The following CDH10 variants were observed in gnomAD, a reference collection of about 807,000 sequenced individuals.
CDH10 encodes cadherin 10, also known as cadherin-10.
In CDH10, 30 loss-of-function variants were observed where a neutral mutation model predicts 73.1. That is an observed-to-expected ratio of 0.41 (90% CI 0.31 to 0.56). CDH10 has a LOEUF of 0.56. Ranked by LOEUF, CDH10 falls within the 20% of genes least tolerant of loss-of-function variation. CDH10 has a pLI of 0.27. For missense variants in CDH10, 815 were observed against 973.7 expected (o/e 0.84, Z 2.17); for synonymous variants, 345 against 348.2 (o/e 0.99, Z 0.10).
intron 2 of CDH10, among the ~76,000 whole-genome samples, chr5:24,587,065 C>T (rs921252626): frequency 1.3e-5 from 2 of 151,334 alleles, no homozygotes; most frequent in African/African-American, 4.9e-5. Context: ...AGAATGGTCT[C>T]GATCTCCTGA....
At chr5:24,590,437 A>G (rs896884425) in intron 2 of CDH10, among the ~76,000 whole-genome samples, 2 of 151,832 alleles carry the variant, frequency 1.3e-5, no homozygotes, top group African/African-American at 4.8e-5. Flanking sequence ...CACTATAATC[A>G]TGACCTTTGA....
chr5:24,617,962 T>A lies in CDH10; in HGVS notation c.-123-24349A>T, dbSNP rs150771158. ...TCTGTTCCCCACCCTCTATTTTACA[T>A]ATCAGTGTCAAAAATGTTATGTGAT... On this transcript the variant is annotated intron_variant, in intron 1 of 11. Transcript: ENST00000264463. Among the ~76,000 whole-genome samples the A allele has an allele frequency of 4.6e-3, 698 of 152,300 alleles. 3 individuals are homozygous for A. Among genetic ancestry groups the A allele is most frequent in the South Asian group, 9.3e-3 (45 of 4,834 alleles).
At chr5:24,623,132 G>C (rs1747374148) in intron 1 of CDH10, among the ~76,000 whole-genome samples, 2 of 152,242 alleles carry the variant, frequency 1.3e-5, no homozygotes, top group South Asian at 4.1e-4. Context: ...ATATGACTGG[G>C]AACTAGAGCT....
At chr5:24,493,556 C>T (rs1742144750) in intron 9 of CDH10, among the ~76,000 whole-genome samples, 1 of 151,660 alleles carries the variant, frequency 6.6e-6, no homozygotes, top group Non-Finnish European at 1.5e-5. Flanking sequence ...GACAATTTAG[C>T]CCCTAATATA....
intron 1 of CDH10, among the ~76,000 whole-genome samples, chr5:24,605,344 C>T (rs894654814): frequency 2.0e-5 from 3 of 152,172 alleles, no homozygotes; most frequent in African/African-American, 7.2e-5. Context: ...CTGTCAGATC[C>T]AATCAGCAGT....
At chr5:24,604,473 G>A (rs1038106436) in intron 1 of CDH10, among the ~76,000 whole-genome samples, 3 of 152,172 alleles carry the variant, frequency 2.0e-5, no homozygotes, top group African/African-American at 7.2e-5. Flanking sequence ...ATTTCTTTGA[G>A]ATGATACCTA....
At chr5:24,613,887 C>A (rs1035918161) in intron 1 of CDH10, among the ~76,000 whole-genome samples, 13 of 151,930 alleles carry the variant, frequency 8.6e-5, no homozygotes, top group African/African-American at 3.1e-4. Context: ...TGTATTTATT[C>A]AATAAATAAA....
chr5:24,583,054 AG>A (rs61440617), intron 2 of CDH10, among the ~76,000 whole-genome samples: 25,667 of 152,008 alleles, frequency 0.17, 2,298 homozygotes, highest in East Asian at 0.22. Flanking sequence ...TTGCTATATT[AG>A]TAATTTTTTT....
chr5:24,625,479 CAA>C (rs1170272711), intron 1 of CDH10, among the ~76,000 whole-genome samples: 1 of 150,722 alleles, frequency 6.6e-6, no homozygotes, highest in Non-Finnish European at 1.5e-5. Flanking sequence ...ACATTTTTCT[CAA>C]GTGTGTGTAT....
At chr5:24,588,224 A>G (rs745809855) in intron 2 of CDH10, among the ~76,000 whole-genome samples, 12 of 152,180 alleles carry the variant, frequency 7.9e-5, no homozygotes, top group Non-Finnish European at 1.6e-4. Flanking sequence ...AAATTTTTCT[A>G]AGTAAAATTT....
At chr5:24,490,432 A>ATT (rs72527246) in intron 11 of CDH10, among the ~76,000 whole-genome samples, 1 of 151,752 alleles carries the variant, frequency 6.6e-6, no homozygotes, top group East Asian at 1.9e-4. Context: ...AAATTATAAA[A>ATT]TATATTTTTT....
chr5:24,596,386 T>C (rs2112102362), intron 1 of CDH10, among the ~76,000 whole-genome samples: 1 of 151,992 alleles, frequency 6.6e-6, no homozygotes, highest in African/African-American at 2.4e-5. Context: ...TTTTTGTCAG[T>C]GTGTCATCAC....
At position 24,509,835 on chromosome 5, in the gene CDH10, A is replaced by C. The variant is rs1162332165; in HGVS notation, c.1003-16T>G. 19 of 1,589,500 alleles carry C rather than the reference A, an allele frequency of 1.2e-5. No individual in the cohort carries two copies. In the South Asian group the frequency reaches 1.8e-4, roughly 15 times the overall value. The stretch of plus-strand genomic sequence containing the variant: ...AGTCGAGTGGCTGTATAAAAAAATA[A>C]ATCATCAAATTAGAGTGAGGGAAAT... On this transcript the variant is annotated splice_polypyrimidine_tract_variant and intron_variant, in intron 6 of 11. Transcript: ENST00000264463.
chr5:24,643,821 T>C (rs1018916584), intron 1 of CDH10, among the ~76,000 whole-genome samples: 13 of 152,318 alleles, frequency 8.5e-5, no homozygotes, highest in Middle Eastern at 3.4e-3. Flanking sequence ...GTGCTATCAA[T>C]AGTTACTTGT....
At chr5:24,537,754 A>G (rs2111898474) in intron 2 of CDH10, 80 bp from the exon 3 acceptor site, 1 of 857,676 alleles carries the variant, frequency 1.2e-6, no homozygotes, top group Non-Finnish European at 1.8e-6. Flanking sequence ...AAGGTCTTTC[A>G]TGTCTCATCA....
At chr5:24,509,218 C>A (rs905666180) in intron 7 of CDH10, among the ~76,000 whole-genome samples, 38 of 114,400 alleles carry the variant, frequency 3.3e-4, no homozygotes, top group East Asian at 1.3e-3. Flanking sequence ...TCATTTTAAA[C>A]AACATTTTGT....
chr5:24,623,938 TTCTC>T (rs910822658), intron 1 of CDH10, among the ~76,000 whole-genome samples: 2 of 152,098 alleles, frequency 1.3e-5, no homozygotes, highest in Non-Finnish European at 2.9e-5. Flanking sequence ...GAAATGAAAG[TTCTC>T]TCTCTCTTTT....
intron 6 of CDH10, among the ~76,000 whole-genome samples, chr5:24,510,150 G>T (rs1160363740): frequency 6.6e-6 from 1 of 152,172 alleles, no homozygotes; most frequent in Non-Finnish European, 1.5e-5. Context: ...GCGTGTGAAT[G>T]TGCACGTGCA....
At chr5:24,577,005 T>C (rs1467025246) in intron 2 of CDH10, among the ~76,000 whole-genome samples, 1 of 103,936 alleles carries the variant, frequency 9.6e-6, no homozygotes, top group East Asian at 2.6e-4. Flanking sequence ...AGCTAAAATA[T>C]TAAAAAAAAA....
Sources: allele counts gnomAD v4.1 joint callset (sites outside exome capture counted in the v4.1 genomes callset), GRCh38; gene constraint gnomAD v4.1.1; transcripts MANE v1.5; gene names NCBI Gene and HGNC (gene_info 2026-07-23, HGNC 2026-07-21).